Variants in FRMD8 observed in about 807,000 individuals in gnomAD.
The protein encoded by FRMD8 is FERM domain-containing protein 8.
In FRMD8, 37 loss-of-function variants were observed where a neutral mutation model predicts 54.2. The observed-to-expected ratio is 0.68, with a 90% CI of 0.53 to 0.90. FRMD8 has a LOEUF of 0.90. Ranked by LOEUF, FRMD8 falls within the 40% of genes least tolerant of loss-of-function variation. The probability of loss-of-function intolerance (pLI) is 0.00; values close to 1 mark genes in which losing one functional copy is unlikely to be tolerated. For missense variants in FRMD8, 585 were observed against 653.7 expected, an observed-to-expected ratio of 0.89 and a Z score of 1.15; for synonymous variants, 246 against 286.9, an observed-to-expected ratio of 0.86 and a Z score of 1.44.
intron 4 of FRMD8, 173 bp from the exon 5 acceptor site, chr11:65,393,868 G>C (rs1407431178): frequency 1.2e-6 from 1 of 801,396 alleles, no homozygotes. Context: ...TGGGGGATGG[G>C]CTGGGAGCCA....
At chr11:65,373,001 C>G in the FRMD8 span, among the ~76,000 whole-genome samples, 4 of 152,152 alleles carry the variant, frequency 2.6e-5, no homozygotes, top group Non-Finnish European at 5.9e-5. Context: ...CTGTTAATCT[C>G]AGCACTTTGG....
At position 65,394,320 on chromosome 11, in the gene FRMD8, C is replaced by T. The variant is rs1474087429; in HGVS notation, c.476C>T (p.Ala159Val). ...YEEAKGNVLA[A>V]RYPCDVEDCE... is the part of the protein sequence containing the mutation. ...GAGGCCAAGGGCAACGTGCTGGCTG[C>T]ACGGTACCCGTGCGACGTGGAGGAC... Residue 159 changes from alanine (A) to valine (V), a missense_variant, in exon 6 of 11, where the codon GCA becomes GTA. Physicochemically the swap from Ala to Val is moderately conservative, Grantham distance 64 (BLOSUM62 0). Transcript: ENST00000317568. 6.3e-7 allele frequency: 1 copy of T among 1,587,996 alleles called. No homozygotes were observed. Among genetic ancestry groups the T allele is most frequent in the East Asian group, 2.3e-5 (1 of 43,028 alleles).
At chr11:65,411,181 C>A in intron 10 of FRMD8, 61 bp from the exon 11 acceptor site, 2 of 1,397,394 alleles carry the variant, frequency 1.4e-6, no homozygotes, top group South Asian at 2.7e-5. Context: ...GCTTCCTGGG[C>A]CTGAGCCCCC....
chr11:65,387,846 T>C (rs959972223), intron 2 of FRMD8, among the ~76,000 whole-genome samples: 10 of 152,050 alleles, frequency 6.6e-5, no homozygotes, highest in African/African-American at 2.4e-4. Context: ...CTGTGTCCTT[T>C]CTTTCTCCCA....
At chr11:65,401,583 C>G (rs1856083411) in intron 9 of FRMD8, among the ~76,000 whole-genome samples, 1 of 150,990 alleles carries the variant, frequency 6.6e-6, no homozygotes, top group Non-Finnish European at 1.5e-5. Flanking sequence ...CCTGCGCCTC[C>G]CATGCTGGGG....
rs3741389 is a variant in FRMD8, at chr11:65,411,965, C to T, written c.*605C>T. 21,474 of 152,232 alleles carry T rather than the reference C, an allele frequency of 0.14. 1,806 individuals are homozygous for T. The highest frequency in any genetic ancestry group is 0.25 in the Admixed American group (3,893 of 15,288). The allele number at this position is 152,232 out of a possible 1,614,324, so 9.4% of individuals were successfully genotyped here. ...CCTGGATTGAACCGGGACAGAAACA[C>T]GGTGAGGGCCCCCACCACACCTCCC... On this transcript the variant is annotated 3_prime_UTR_variant, in exon 11 of 11. Transcript: ENST00000317568.
At chr11:65,376,434 G>A in the FRMD8 span, 19 of 1,613,922 alleles carry the variant, frequency 1.2e-5, no homozygotes, top group Middle Eastern at 1.6e-4. Context: ...GGAGATATTC[G>A]TAGCTGAGGA....
In FRMD8 at chr11:65,387,119, G is replaced by A. The variant is rs749329031; in HGVS notation, c.83G>A (p.Arg28Gln). ...AGCAGCGTGTCCTCCGTGGGAGCCC[G>A]AGGTGGGTCCCACCCGCATCTCCTC... ...HRSSVSSVGARAADVLVYLAD... is the reference protein window; with the variant it reads ...HRSSVSSVGAQAADVLVYLAD... The change falls in exon 2 of 11, where the codon CGA (arginine) becomes CAA (glutamine). Residue 28 changes from arginine to glutamine, a missense_variant and splice_region_variant. Transcript: ENST00000317568. 1 of 1,604,786 alleles carries A rather than the reference G, an allele frequency of 6.2e-7. No homozygotes were observed. Among genetic ancestry groups the A allele is most frequent in the Non-Finnish European group, 8.5e-7 (1 of 1,179,622 alleles).
At chr11:65,376,540 C>A in the FRMD8 span, 8 of 1,614,200 alleles carry the variant, frequency 5.0e-6, no homozygotes, top group East Asian at 2.2e-5. Context: ...GCTCACCATG[C>A]AGTCCAGCAT....
chr11:65,385,587 G>A (rs1855716025), upstream of FRMD8, among the ~76,000 whole-genome samples: 1 of 152,140 alleles, frequency 6.6e-6, no homozygotes, highest in South Asian at 2.1e-4. Context: ...CATCTCAGAT[G>A]CACACATGTT....
intron 10 of FRMD8, among the ~76,000 whole-genome samples, chr11:65,408,330 T>C (rs1402629567): frequency 6.6e-6 from 1 of 152,068 alleles, no homozygotes; most frequent in African/African-American, 2.4e-5. Context: ...CGCCTTGGCC[T>C]CCCAAAGTGC....
intron 3 of FRMD8, among the ~76,000 whole-genome samples, chr11:65,390,386 G>A (rs970796814): frequency 5.3e-5 from 8 of 152,078 alleles, no homozygotes; most frequent in Non-Finnish European, 7.4e-5. Flanking sequence ...CATTCCCTTC[G>A]TTATAGAGGA....
the FRMD8 span, chr11:65,379,296 C>T: frequency 1.2e-5 from 18 of 1,527,246 alleles, no homozygotes; most frequent in Non-Finnish European, 1.6e-5. Context: ...AGCTGTGGGT[C>T]GCCAGGGCAG....
intron 2 of FRMD8, among the ~76,000 whole-genome samples, 187 bp from the exon 3 acceptor site, chr11:65,389,174 G>C (rs1190538922): frequency 6.6e-6 from 1 of 152,212 alleles, no homozygotes; most frequent in East Asian, 1.9e-4. Flanking sequence ...ATTCGTGATA[G>C]GGTCTTTTGG....
chr11:65,370,608 G>C, the FRMD8 span, among the ~76,000 whole-genome samples: 2 of 151,976 alleles, frequency 1.3e-5, no homozygotes, highest in East Asian at 1.9e-4. Context: ...GGCTGAGGCA[G>C]AGAATTGCTT....
At chr11:65,393,935 C>T (rs1364828626) in intron 4 of FRMD8, 106 bp from the exon 5 acceptor site, 2 of 1,249,356 alleles carry the variant, frequency 1.6e-6, no homozygotes, top group Admixed American at 1.9e-5. Context: ...CTCCGGTTTT[C>T]TCAGCCCTGG....
At chr11:65,379,745 A>G in the FRMD8 span, 38 of 1,379,110 alleles carry the variant, frequency 2.8e-5, no homozygotes, top group Non-Finnish European at 3.8e-5. Context: ...AGGCCCCCCA[A>G]GGATCCCAGA....
At chr11:65,397,052 C>T (rs566642712) in intron 7 of FRMD8, 32 bp downstream of exon 7, 4 of 1,234,764 alleles carry the variant, frequency 3.2e-6, no homozygotes, top group East Asian at 6.0e-5. Flanking sequence ...TCCCCCACCC[C>T]CTCCGCAGGC....
chr11:65,395,116 A>G lies in FRMD8; in HGVS notation c.581+691A>G, dbSNP rs113474207. Among the ~76,000 whole-genome samples the G allele has an allele frequency of 2.2e-4, 34 of 152,234 alleles. 2 individuals are homozygous for G. Among genetic ancestry groups the G allele is most frequent in the African/African-American group, 7.5e-4 (31 of 41,532 alleles). On this transcript the variant is annotated intron_variant, in intron 6 of 10. Transcript: ENST00000317568. ...ACAATAAGTAGCCAGGTGTGGTGGC[A>G]CACACCTGTAATCCCAGCCGTTTGG... is the stretch of plus-strand genomic sequence containing the variant.
Sources: allele counts gnomAD v4.1 joint callset (sites outside exome capture counted in the v4.1 genomes callset), GRCh38; gene constraint gnomAD v4.1.1; transcripts MANE v1.5; gene names NCBI Gene and HGNC (gene_info 2026-07-23, HGNC 2026-07-21).